The following KCNU1 variants were observed in gnomAD, a reference collection of about 807,000 sequenced individuals.
KCNU1 encodes potassium calcium-activated channel subfamily U member 1, also known as potassium channel subfamily U member 1.
Under a neutral mutation model 126.8 loss-of-function variants are expected in KCNU1, and 93 were observed. The ratio of observed to expected loss-of-function variants is 0.73; its 90% CI spans 0.62 to 0.87. The LOEUF is 0.87. KCNU1 is among the 40% of genes least tolerant of loss of function. The pLI, the probability that KCNU1 is intolerant of heterozygous loss-of-function variation, is 0.00. For missense variants in KCNU1, 1,330 were observed against 1,367.1 expected (o/e 0.97, Z 0.43); for synonymous variants, 523 against 494.2 (o/e 1.06, Z -0.77).
At chr8:36,865,907 C>T (rs1028585862) in intron 19 of KCNU1, among the ~76,000 whole-genome samples, 2 of 151,646 alleles carry the variant, frequency 1.3e-5, no homozygotes, top group Non-Finnish European at 2.9e-5. Flanking sequence ...GCACATTATG[C>T]TAAGTGAAGT....
rs1308505408 is a variant in KCNU1 at position 36,840,453 on chromosome 8, T to C, written c.1519-10T>C. ...CGTTTTGCTTCGTGTGGCATGATTATGTATTCCAGGTTATGCCTAAACAGA... is the reference window on the plus strand; with the variant it reads ...CGTTTTGCTTCGTGTGGCATGATTACGTATTCCAGGTTATGCCTAAACAGA... On this transcript the variant is annotated splice_polypyrimidine_tract_variant and intron_variant, in intron 14 of 26. Transcript: ENST00000399881. 51 of 1,356,612 alleles carry C rather than the reference T, an allele frequency of 3.8e-5. No homozygotes were observed. Among genetic ancestry groups the C allele is most frequent in the Non-Finnish European group, 4.8e-5 (46 of 949,394 alleles). The allele number at this position is 1,356,612 out of a possible 1,614,324, so 84.0% of individuals were successfully genotyped here. A position where few individuals can be genotyped will look rare whatever the true frequency, so the allele number is the denominator to read the frequency against.
intron 19 of KCNU1, among the ~76,000 whole-genome samples, chr8:36,893,502 T>C (rs1025216854): frequency 1.3e-5 from 2 of 152,016 alleles, no homozygotes; most frequent in African/African-American, 4.8e-5. Flanking sequence ...AAAGCTCAAA[T>C]AGTAACATAT....
chr8:36,889,005 A>G (rs1476378370), intron 19 of KCNU1: 4 of 416,404 alleles, frequency 9.6e-6, no homozygotes, highest in South Asian at 3.7e-5. Flanking sequence ...CAGTCTCTTC[A>G]GTAGCTGAGA....
intron 18 of KCNU1, among the ~76,000 whole-genome samples, chr8:36,853,504 T>A (rs945988299): frequency 5.9e-5 from 9 of 152,220 alleles, no homozygotes; most frequent in Non-Finnish European, 1.2e-4. Flanking sequence ...CTTTTTTGTA[T>A]GTTTTTGACC....
chr8:36,893,403 T>A (rs1052539713), intron 19 of KCNU1, among the ~76,000 whole-genome samples: 1 of 152,046 alleles, frequency 6.6e-6, no homozygotes, highest in Non-Finnish European at 1.5e-5. Context: ...ATTATTTTTT[T>A]AAAATGCCTC....
intron 10 of KCNU1, among the ~76,000 whole-genome samples, chr8:36,827,178 A>G (rs765825944): frequency 1.3e-5 from 2 of 152,210 alleles, no homozygotes; most frequent in Non-Finnish European, 2.9e-5. Context: ...TTGAAACACA[A>G]CAGGGCACTT....
At chr8:36,791,720 T>G (rs573233942) in intron 2 of KCNU1, among the ~76,000 whole-genome samples, 3 of 152,160 alleles carry the variant, frequency 2.0e-5, no homozygotes, top group African/African-American at 4.8e-5. Context: ...TATTTTGCTG[T>G]TTTTTGCTCA....
At chr8:36,827,592 G>A (rs1371908006) in intron 10 of KCNU1, among the ~76,000 whole-genome samples, 1 of 152,076 alleles carries the variant, frequency 6.6e-6, no homozygotes, top group Non-Finnish European at 1.5e-5. Flanking sequence ...ATTTCATCCA[G>A]CTTTTTTATA....
chr8:36,909,196 T>C (rs1807760847), intron 20 of KCNU1, 115 bp from the exon 21 acceptor site: 1 of 699,798 alleles, frequency 1.4e-6, no homozygotes, highest in African/African-American at 1.8e-5. Flanking sequence ...ATTCACCTTA[T>C]GAAAGTAGAG....
chr8:36,803,959 C>A, intron 2 of KCNU1, 68 bp from the exon 3 acceptor site: 1 of 1,054,040 alleles, frequency 9.5e-7, no homozygotes, highest in Non-Finnish European at 1.4e-6. Flanking sequence ...AGAGAAAACA[C>A]ACTTTTGTCG....
At chr8:36,865,773 C>CAAAAAAAAAAAAAAAAAAAAAAAAAAAAA (rs538090899) in intron 19 of KCNU1, among the ~76,000 whole-genome samples, 1 of 61,386 alleles carries the variant, frequency 1.6e-5, no homozygotes, top group Non-Finnish European at 2.7e-5. Context: ...AAGAGCTTGT[C>CAAAAAAAAAAAAAAAAAAAAAAAAAAAAA]AAAAAAAAAA....
intron 14 of KCNU1, among the ~76,000 whole-genome samples, chr8:36,837,724 G>T (rs1375044393): frequency 6.6e-6 from 1 of 152,188 alleles, no homozygotes; most frequent in East Asian, 1.9e-4. Flanking sequence ...TAGCACAAAA[G>T]GTGGTCTTCC....
intron 19 of KCNU1, among the ~76,000 whole-genome samples, chr8:36,902,510 G>A (rs181051632): frequency 2.0e-5 from 3 of 152,134 alleles, no homozygotes; most frequent in African/African-American, 7.2e-5. Context: ...GAGTGCTGAG[G>A]GCAGACAGCA....
At chr8:36,841,241 C>A (rs766999665) in intron 16 of KCNU1, among the ~76,000 whole-genome samples, 1 of 151,860 alleles carries the variant, frequency 6.6e-6, no homozygotes, top group Admixed American at 6.6e-5. Context: ...TTCCTCGGAC[C>A]CTGCCCCACC....
chr8:36,926,278 G>C (rs552278599), intron 24 of KCNU1, among the ~76,000 whole-genome samples: 2 of 152,082 alleles, frequency 1.3e-5, no homozygotes, highest in Non-Finnish European at 2.9e-5. Flanking sequence ...CCTCGCTGCC[G>C]CAATCAACTG....
At chr8:36,918,725 C>T in intron 22 of KCNU1, 98 bp from the exon 23 acceptor site, 1 of 794,334 alleles carries the variant, frequency 1.3e-6, no homozygotes. Context: ...AGTAACTTTG[C>T]TAAGATAAAG....
chr8:36,803,486 T>TAA (rs144610979), intron 2 of KCNU1, among the ~76,000 whole-genome samples: 9 of 151,852 alleles, frequency 5.9e-5, no homozygotes, highest in African/African-American at 2.2e-4. Flanking sequence ...ACTGGCATGG[T>TAA]AAAAAAAATC....
intron 12 of KCNU1, among the ~76,000 whole-genome samples, chr8:36,835,381 G>C (rs1271281569): frequency 6.9e-6 from 1 of 145,228 alleles, no homozygotes; most frequent in Non-Finnish European, 1.5e-5. Context: ...TTTTGCTCTT[G>C]TTGCCTGTGC....
At position 36,817,274 on chromosome 8, in the gene KCNU1, C is replaced by T. The variant is rs187154254; in HGVS notation, c.996-376C>T. On this transcript the variant is annotated intron_variant, in intron 9 of 26. Coordinates refer to ENST00000399881, the MANE Select transcript of KCNU1 (RefSeq NM_001031836.3). ...CAGCATTTTGGGAGGCTGAGGTGGG[C>T]GGATCACCTGAGGTCGGGAGTTCAA... 1.6e-3 allele frequency among the ~76,000 whole-genome samples: 237 copies of T among 151,574 alleles called. 1 individual carries two copies. The highest frequency in any genetic ancestry group is 5.2e-3 in the African/African-American group (214 of 41,360).
Sources: allele counts gnomAD v4.1 joint callset (sites outside exome capture counted in the v4.1 genomes callset), GRCh38; gene constraint gnomAD v4.1.1; transcripts MANE v1.5; gene names NCBI Gene and HGNC (gene_info 2026-07-23, HGNC 2026-07-21).